The following SNX25 variants were observed in gnomAD, a reference collection of about 807,000 sequenced individuals.
SNX25 encodes sorting nexin-25.
Under a neutral mutation model 113.7 loss-of-function variants are expected in SNX25, and 62 were observed. That is an observed-to-expected ratio of 0.55 (90% CI 0.44 to 0.67). The LOEUF (loss-of-function observed/expected upper bound fraction) is 0.67. SNX25 is among the 30% of genes least tolerant of loss of function. The pLI, the probability that SNX25 is intolerant of heterozygous loss-of-function variation, is 0.00. For synonymous variants in SNX25, 421 were observed against 436.2 expected, an observed-to-expected ratio of 0.97 and a Z score of 0.43; for missense variants, 1,014 against 1,161.0, an observed-to-expected ratio of 0.87 and a Z score of 1.84.
intron 10 of SNX25, among the ~76,000 whole-genome samples, chr4:185,338,308 C>T (rs146563933): frequency 0.026 from 3,798 of 148,374 alleles, 156 homozygotes; most frequent in African/African-American, 0.092. Context: ...CGGAGTCTCA[C>T]TCTGTTGCCC....
At chr4:185,266,523 G>A (rs1268090378) in intron 4 of SNX25, among the ~76,000 whole-genome samples, 4 of 152,046 alleles carry the variant, frequency 2.6e-5, no homozygotes, top group African/African-American at 9.7e-5. Flanking sequence ...ACCATGCATG[G>A]CTAATTTTTG....
intron 2 of SNX25, among the ~76,000 whole-genome samples, chr4:185,255,964 A>G (rs1022192210): frequency 4.6e-5 from 7 of 152,216 alleles, no homozygotes; most frequent in African/African-American, 1.7e-4. Flanking sequence ...ACCATTAGGG[A>G]TGAGATGTAG....
At chr4:185,357,810 C>A in intron 16 of SNX25, 73 bp downstream of exon 16, 2 of 1,215,196 alleles carry the variant, frequency 1.6e-6, no homozygotes, top group Non-Finnish European at 2.4e-6. Flanking sequence ...ACCTTATGAT[C>A]TAGCAGCCAG....
chr4:185,287,561 C>T (rs1288534), intron 5 of SNX25, among the ~76,000 whole-genome samples: 65,069 of 152,048 alleles, frequency 0.43, 14,066 homozygotes, highest in East Asian at 0.53. Flanking sequence ...CCACAGGTAC[C>T]GTGGAGCATT....
chr4:185,228,335 T>TG (rs1741320932), intron 1 of SNX25, among the ~76,000 whole-genome samples: 4 of 151,036 alleles, frequency 2.6e-5, no homozygotes, highest in African/African-American at 7.3e-5. Flanking sequence ...GAGACATGCC[T>TG]GGGGGGCAGG....
intron 2 of SNX25, among the ~76,000 whole-genome samples, chr4:185,249,515 G>C (rs1745343614): frequency 6.6e-6 from 1 of 152,080 alleles, no homozygotes; most frequent in South Asian, 2.1e-4. Flanking sequence ...TCTTTTGTTA[G>C]ATGTAGATAC....
chr4:185,356,938 C>T (rs2095341865), intron 15 of SNX25, among the ~76,000 whole-genome samples: 2 of 152,186 alleles, frequency 1.3e-5, no homozygotes, highest in Non-Finnish European at 1.5e-5. Context: ...AAAAATGTGT[C>T]TCTATGTTAA....
chr4:185,312,710 A>G (rs1046129683), intron 7 of SNX25, among the ~76,000 whole-genome samples: 1 of 152,046 alleles, frequency 6.6e-6, no homozygotes, highest in Non-Finnish European at 1.5e-5. Flanking sequence ...TATCTTTAGT[A>G]GAGACGCGGT....
intron 1 of SNX25, among the ~76,000 whole-genome samples, chr4:185,240,435 G>T (rs75088865): frequency 2.0e-5 from 3 of 150,768 alleles, no homozygotes; most frequent in African/African-American, 7.3e-5. Flanking sequence ...GCGGCTGGCC[G>T]GGCAGAGGGG....
chr4:185,332,537 A>G (rs1182661791), intron 9 of SNX25, 58 bp from the exon 10 acceptor site: 6 of 1,478,684 alleles, frequency 4.1e-6, no homozygotes, highest in East Asian at 4.6e-5. Context: ...CGTGACCGAT[A>G]ATAATTACTG....
At chr4:185,312,482 G>C (rs182480197) in intron 7 of SNX25, among the ~76,000 whole-genome samples, 192 of 151,938 alleles carry the variant, frequency 1.3e-3, no homozygotes, top group Non-Finnish European at 1.8e-3. Flanking sequence ...GTGTCTACTA[G>C]AAGTAGACTT....
the SNX25 span, chr4:185,378,108 AT>A: frequency 4.3e-6 from 7 of 1,613,600 alleles, no homozygotes; most frequent in South Asian, 1.1e-5. Flanking sequence ...CACTGGAAAA[AT>A]TTTTGGTTTT....
chr4:185,346,688 T>A (rs767254123), intron 13 of SNX25, 38 bp downstream of exon 13: 2 of 1,341,244 alleles, frequency 1.5e-6, no homozygotes, highest in South Asian at 1.3e-5. Flanking sequence ...AGAGAAAAAA[T>A]TAGTTATTTA....
At chr4:185,332,809 T>C in intron 10 of SNX25, 50 bp downstream of exon 10, 1 of 1,577,368 alleles carries the variant, frequency 6.3e-7, no homozygotes, top group Non-Finnish European at 8.6e-7. Context: ...TTTGTCTAAT[T>C]TGGTAGTTTT....
At chr4:185,320,945 AAGATAAGT>A in intron 8 of SNX25, 81 bp downstream of exon 8, 1 of 1,289,056 alleles carries the variant, frequency 7.8e-7, no homozygotes, top group Non-Finnish European at 1.0e-6. Flanking sequence ...TGTTTTTCTC[AAGATAAGT>A]ATACATTAAA....
chr4:185,246,781 T>C (rs1744925186), intron 1 of SNX25, among the ~76,000 whole-genome samples: 1 of 152,222 alleles, frequency 6.6e-6, no homozygotes, highest in Non-Finnish European at 1.5e-5. Flanking sequence ...GCCTTTTCCA[T>C]TCCAAGATTA....
In SNX25 at chr4:185,332,735, A is replaced by T; in HGVS notation, c.1890A>T (p.Gln630His). The T allele has an allele frequency of 6.2e-7, 1 of 1,613,674 alleles. No homozygotes were observed. Among genetic ancestry groups the T allele is most frequent in the Non-Finnish European group, 8.5e-7 (1 of 1,179,896 alleles). The change falls in exon 10 of 19, where the codon CAA becomes CAT. Residue 630 changes from glutamine (Q) to histidine (H), a missense_variant. By Grantham distance (24) the Gln-to-His change is conservative (BLOSUM62 0). Transcript: ENST00000652585. Reference sequence around the variant, plus strand: ...AAAGGCAAGCTCTAAATTCTATTCAAAATGCACCAAAACCTGACAAGAAGG... The same window carrying T: ...AAAGGCAAGCTCTAAATTCTATTCATAATGCACCAAAACCTGACAAGAAGG... ...EYKRQALNSI[Q>H]NAPKPDKKIV...
chr4:185,375,487 A>AAAATATAAATATAT, the SNX25 span: 4 of 12,008 alleles, frequency 3.3e-4, no homozygotes, highest in Non-Finnish European at 4.4e-4. Flanking sequence ...AAAAAAAAAA[A>AAAATATAAATATAT]ATATATATAT....
At chr4:185,333,579 A>G (rs1407563759) in intron 10 of SNX25, among the ~76,000 whole-genome samples, 1 of 152,194 alleles carries the variant, frequency 6.6e-6, no homozygotes, top group African/African-American at 2.4e-5. Context: ...TACAATTAAA[A>G]TATCTATTCA....
Sources: gnomAD v4.1 joint callset for allele counts (sites outside exome capture counted in the v4.1 genomes callset) on GRCh38, gnomAD v4.1.1 for gene constraint, MANE v1.5 for transcripts, NCBI Gene and HGNC (gene_info 2026-07-23, HGNC 2026-07-21) for gene names.